Variants in GAPVD1 observed in about 807,000 individuals in gnomAD.
GAPVD1 encodes GTPase-activating protein and VPS9 domain-containing protein 1.
Under a neutral mutation model 155.5 loss-of-function variants are expected in GAPVD1, and 35 were observed. The ratio of observed to expected loss-of-function variants is 0.23; its 90% CI spans 0.17 to 0.30. GAPVD1 has a LOEUF of 0.30. Ranked by LOEUF, GAPVD1 falls within the 10% of genes least tolerant of loss-of-function variation. The probability of loss-of-function intolerance (pLI) is 1.00; values close to 1 mark genes in which losing one functional copy is unlikely to be tolerated. For synonymous variants in GAPVD1, 636 were observed against 619.7 expected, an observed-to-expected ratio of 1.03 and a Z score of -0.39; for missense variants, 1,429 against 1,775.7, an observed-to-expected ratio of 0.80 and a Z score of 3.51.
chr9:125,288,216 A>T (rs1383360957), intron 2 of GAPVD1, among the ~76,000 whole-genome samples: 2 of 150,220 alleles, frequency 1.3e-5, no homozygotes, highest in East Asian at 3.9e-4. Flanking sequence ...GGTTCAAGCG[A>T]TTCTCCTGCC....
At chr9:125,283,504 G>A (rs1837142213) in intron 2 of GAPVD1, among the ~76,000 whole-genome samples, 1 of 151,976 alleles carries the variant, frequency 6.6e-6, no homozygotes, top group Admixed American at 6.6e-5. Flanking sequence ...CACCACAGGC[G>A]TACATCCCTC....
chr9:125,351,748 T>C (rs1158923994), intron 23 of GAPVD1, among the ~76,000 whole-genome samples: 2 of 151,688 alleles, frequency 1.3e-5, no homozygotes, highest in East Asian at 3.9e-4. Flanking sequence ...TTCTTTTTTT[T>C]TTTTCCCCCG....
chr9:125,329,226 A>G (rs1845724636), intron 12 of GAPVD1, among the ~76,000 whole-genome samples: 1 of 152,206 alleles, frequency 6.6e-6, no homozygotes, highest in Admixed American at 6.5e-5. Context: ...TATTTGCGCA[A>G]TAAGCTGTAT....
At chr9:125,319,988 T>A (rs1330570240) in intron 9 of GAPVD1, among the ~76,000 whole-genome samples, 1 of 150,104 alleles carries the variant, frequency 6.7e-6, no homozygotes, top group Non-Finnish European at 1.5e-5. Flanking sequence ...CAACCAAGAA[T>A]TTTTTTTTTC....
intron 2 of GAPVD1, among the ~76,000 whole-genome samples, chr9:125,293,723 T>G (rs71497083): frequency 0.43 from 53,035 of 122,052 alleles, 11,900 homozygotes; most frequent in Middle Eastern, 0.5. Context: ...TTATATTTTA[T>G]ATAAATATAT....
At chr9:125,266,840 A>C (rs1834060980) in intron 1 of GAPVD1, among the ~76,000 whole-genome samples, 1 of 151,954 alleles carries the variant, frequency 6.6e-6, no homozygotes, top group Non-Finnish European at 1.5e-5. Context: ...AAGTCACTGC[A>C]ACTTCCCCCT....
Position 125,302,237 on chromosome 9 carries a change from G to A in GAPVD1, c.440G>A (p.Ser147Asn). 1 of 1,613,980 alleles carries A rather than the reference G, an allele frequency of 6.2e-7. No individual in the cohort carries two copies. The highest frequency in any genetic ancestry group is 1.1e-5 in the South Asian group (1 of 91,076). The change falls in exon 5 of 28, where the codon AGC becomes AAC. Residue 147 changes from serine to asparagine, a missense_variant. Transcript: ENST00000297933. ...YGNCIMQEDE[S>N]YLLQVLRYLI... is the part of the protein sequence containing the mutation. The stretch of plus-strand genomic sequence containing the variant: ...AATTGCATCATGCAAGAAGATGAAA[G>A]CTACCTCCTTCAGGTTTTGCGATAC...
At chr9:125,290,558 G>A (rs1393462423) in intron 2 of GAPVD1, among the ~76,000 whole-genome samples, 2 of 152,178 alleles carry the variant, frequency 1.3e-5, no homozygotes, top group South Asian at 2.1e-4. Context: ...GCGCGGAGCC[G>A]AATAAGGATA....
chr9:125,351,517 A>C (rs1849288651), intron 23 of GAPVD1, among the ~76,000 whole-genome samples: 2 of 152,262 alleles, frequency 1.3e-5, no homozygotes, highest in South Asian at 4.1e-4. Context: ...CTGTAAAATC[A>C]AAATCAAGTT....
At chr9:125,295,733 CAT>C (rs1237040711) in intron 3 of GAPVD1, among the ~76,000 whole-genome samples, 159 bp downstream of exon 3, 2 of 151,998 alleles carry the variant, frequency 1.3e-5, no homozygotes, top group Non-Finnish European at 2.9e-5. Context: ...TGCCCAGCCT[CAT>C]GTGTTAATTT....
At chr9:125,280,961 G>C (rs1455769309) in intron 2 of GAPVD1, among the ~76,000 whole-genome samples, 1 of 152,110 alleles carries the variant, frequency 6.6e-6, no homozygotes, top group Non-Finnish European at 1.5e-5. Flanking sequence ...AACTATTCTG[G>C]CTGGAAAATA....
At chr9:125,284,457 C>T (rs1296308600) in intron 2 of GAPVD1, among the ~76,000 whole-genome samples, 1 of 151,496 alleles carries the variant, frequency 6.6e-6, no homozygotes, top group Non-Finnish European at 1.5e-5. Context: ...GGATTACAGG[C>T]GTGAGCCACC....
intron 13 of GAPVD1, 97 bp from the exon 14 acceptor site, chr9:125,331,829 C>A: frequency 1.9e-6 from 2 of 1,063,398 alleles, no homozygotes; most frequent in South Asian, 1.3e-5. Flanking sequence ...TGATTTTATT[C>A]ATGCCCTGGT....
rs764168229 is a variant in GAPVD1, at chr9:125,302,733, C to T, written c.936C>T (p.Ala312=). 4.3e-6 allele frequency: 7 copies of T among 1,613,978 alleles called. No homozygotes were observed. In the African/African-American group the frequency reaches 5.3e-5, roughly 12 times the overall value. The change falls in exon 5 of 28, where the codon GCC becomes GCT. Residue 312 remains alanine, a synonymous_variant. Coordinates refer to ENST00000297933, the MANE Select transcript of GAPVD1 (RefSeq NM_001282680.3). ...CAATGTGTACTGATCTCCTGTTGGCCTGCTTCATTTGTCCTGCAGTTGTCA... is the reference window on the plus strand; with the variant it reads ...CAATGTGTACTGATCTCCTGTTGGCTTGCTTCATTTGTCCTGCAGTTGTCA... ...VRAMCTDLLL[A]CFICPAVVNP...
At chr9:125,323,387 G>A (rs1001298418) in intron 10 of GAPVD1, among the ~76,000 whole-genome samples, 6 of 151,532 alleles carry the variant, frequency 4.0e-5, no homozygotes, top group Admixed American at 2.0e-4. Flanking sequence ...CCCACTGCAA[G>A]CTCTGCCTCC....
At chr9:125,286,802 C>G (rs1177928681) in intron 2 of GAPVD1, among the ~76,000 whole-genome samples, 1 of 151,904 alleles carries the variant, frequency 6.6e-6, no homozygotes, top group East Asian at 1.9e-4. Context: ...TCAAAAGTTT[C>G]ACCGGGCTCG....
At chr9:125,266,402 CTCCCGAGT>C (rs1296516038) in intron 1 of GAPVD1, among the ~76,000 whole-genome samples, 3 of 151,948 alleles carry the variant, frequency 2.0e-5, no homozygotes, top group African/African-American at 7.2e-5. Flanking sequence ...CAAGCTCTGC[CTCCCGAGT>C]TCACGCCATT....
intron 2 of GAPVD1, among the ~76,000 whole-genome samples, chr9:125,287,138 A>C (rs1377418340): frequency 6.6e-6 from 1 of 152,144 alleles, no homozygotes; most frequent in African/African-American, 2.4e-5. Context: ...TGCCATGTGC[A>C]TACTGTATGG....
intron 12 of GAPVD1, among the ~76,000 whole-genome samples, chr9:125,327,606 T>C (rs151095362): frequency 0.024 from 3,598 of 152,172 alleles, 49 homozygotes; most frequent in Middle Eastern, 0.054. Flanking sequence ...CTGGTTTAAG[T>C]GATTCTCCTG....
Sources: allele counts gnomAD v4.1 joint callset (sites outside exome capture counted in the v4.1 genomes callset), GRCh38; gene constraint gnomAD v4.1.1; transcripts MANE v1.5; gene names NCBI Gene and HGNC (gene_info 2026-07-23, HGNC 2026-07-21).